The following CHST11 variants were observed in gnomAD, a reference collection of about 807,000 sequenced individuals.
CHST11 encodes carbohydrate sulfotransferase 11.
In CHST11, 9 loss-of-function variants were observed where a neutral mutation model predicts 30.4. The observed-to-expected ratio is 0.30, with a 90% CI of 0.18 to 0.52. The LOEUF (loss-of-function observed/expected upper bound fraction) is 0.52. CHST11 is among the 20% of genes least tolerant of loss of function. CHST11 has a pLI of 0.97. For synonymous variants in CHST11, 152 were observed against 187.8 expected, an observed-to-expected ratio of 0.81 and a Z score of 1.56; for missense variants, 348 against 460.6, an observed-to-expected ratio of 0.76 and a Z score of 2.24.
At chr12:104,706,185 A>T (rs2040032728) in intron 2 of CHST11, among the ~76,000 whole-genome samples, 1 of 151,936 alleles carries the variant, frequency 6.6e-6, no homozygotes, top group Non-Finnish European at 1.5e-5. Flanking sequence ...GGAGCTCGAG[A>T]CCAGCCTGGC....
At chr12:104,579,054 A>C (rs1592773967) in intron 1 of CHST11, among the ~76,000 whole-genome samples, 1 of 152,200 alleles carries the variant, frequency 6.6e-6, no homozygotes, top group Admixed American at 6.5e-5. Flanking sequence ...GTGCCCAGGT[A>C]CTTATCAAAG....
intron 2 of CHST11, among the ~76,000 whole-genome samples, chr12:104,623,715 T>C (rs1447165298): frequency 6.6e-6 from 1 of 150,524 alleles, no homozygotes; most frequent in African/African-American, 2.4e-5. Flanking sequence ...TGAGACTCCA[T>C]CTCAAAAAAA....
At chr12:104,551,271 CCCA>C (rs1279224347) in intron 1 of CHST11, among the ~76,000 whole-genome samples, 1 of 152,148 alleles carries the variant, frequency 6.6e-6, no homozygotes, top group African/African-American at 2.4e-5. Context: ...CACATTAAGA[CCCA>C]GAAGGAGGTG....
At position 104,759,094 on chromosome 12, in the gene CHST11, G is replaced by T. The variant is rs2040503317; in HGVS notation, c.*1291G>T. The T allele has an allele frequency of 6.6e-6, 1 of 152,132 alleles. No homozygotes were observed. Among genetic ancestry groups the T allele is most frequent in the African/African-American group, 2.4e-5 (1 of 41,416 alleles). The allele number at this position is 152,132 out of a possible 1,614,324, so 9.4% of individuals were successfully genotyped here. On this transcript the variant is annotated 3_prime_UTR_variant, in exon 3 of 3. Coordinates refer to ENST00000303694, the MANE Select transcript of CHST11 (RefSeq NM_018413.6). ...TGCTTGCCACGTACAAGTGTGAAAT[G>T]CCAAGGTGAGACTCGTACACTTGGG...
intron 1 of CHST11, chr12:104,514,424 C>G (rs547823221): frequency 3.8e-4 from 350 of 914,460 alleles, no homozygotes; most frequent in Non-Finnish European, 5.3e-4. Context: ...CCTTCCTCAT[C>G]CTCTTCACCA....
intron 1 of CHST11, among the ~76,000 whole-genome samples, chr12:104,565,147 G>A (rs2038549599): frequency 6.6e-6 from 1 of 151,994 alleles, no homozygotes; most frequent in Admixed American, 6.6e-5. Context: ...GGACTCAAGG[G>A]CTCCCTGGTG....
intron 1 of CHST11, among the ~76,000 whole-genome samples, chr12:104,528,874 G>A (rs573702983): frequency 6.6e-6 from 1 of 152,178 alleles, no homozygotes; most frequent in Admixed American, 6.5e-5. Flanking sequence ...TTTCTGAGTT[G>A]TGCCATACCA....
rs73185488 is a variant in CHST11 at position 104,562,104 on chromosome 12, C to T, written c.119-39802C>T. Among the ~76,000 whole-genome samples, 1,440 of 152,166 alleles carry T rather than the reference C, an allele frequency of 9.5e-3. 9 individuals are homozygous for T. Among genetic ancestry groups the T allele is most frequent in the Non-Finnish European group, 0.016 (1,068 of 68,014 alleles). ...CACCTTCCTGGCTGGGCCTCGTTTCCAGAAATGCCACTGACATGGAGGGGA... is the reference window on the plus strand; with the variant it reads ...CACCTTCCTGGCTGGGCCTCGTTTCTAGAAATGCCACTGACATGGAGGGGA... On this transcript the variant is annotated intron_variant, in intron 1 of 2. Coordinates refer to ENST00000303694, the MANE Select transcript of CHST11 (RefSeq NM_018413.6).
chr12:104,756,094 C>T (rs1156313031), intron 2 of CHST11, among the ~76,000 whole-genome samples: 1 of 152,120 alleles, frequency 6.6e-6, no homozygotes, highest in Non-Finnish European at 1.5e-5. Flanking sequence ...AGCCCTGTGC[C>T]CCCAGTTTCT....
At chr12:104,482,979 G>T (rs889140295) in intron 1 of CHST11, among the ~76,000 whole-genome samples, 3 of 152,160 alleles carry the variant, frequency 2.0e-5, no homozygotes, top group African/African-American at 7.2e-5. Context: ...AAACAGTGCT[G>T]ATTCGGGTCA....
At chr12:104,675,140 A>G (rs703672) in intron 2 of CHST11, among the ~76,000 whole-genome samples, 31,713 of 152,166 alleles carry the variant, frequency 0.21, 4,922 homozygotes, top group African/African-American at 0.44. Context: ...GCAGTTACAT[A>G]TATTAAAATA....
chr12:104,684,860 C>T (rs2039832146), intron 2 of CHST11, among the ~76,000 whole-genome samples: 1 of 152,194 alleles, frequency 6.6e-6, no homozygotes, highest in South Asian at 2.1e-4. Context: ...CCCCAAAACA[C>T]CTTTGTTCAG....
At chr12:104,551,424 A>T (rs2038403988) in intron 1 of CHST11, among the ~76,000 whole-genome samples, 1 of 152,022 alleles carries the variant, frequency 6.6e-6, no homozygotes, top group Admixed American at 6.6e-5. Context: ...TTTTGTAAGC[A>T]TGTGTTGGCT....
intron 1 of CHST11, among the ~76,000 whole-genome samples, chr12:104,467,744 A>C (rs187787209): frequency 6.6e-6 from 1 of 152,180 alleles, no homozygotes; most frequent in African/African-American, 2.4e-5. Flanking sequence ...TCTGTTAGAA[A>C]CTGTTAACTT....
intron 1 of CHST11, among the ~76,000 whole-genome samples, chr12:104,485,333 A>G (rs1226083467): frequency 1.3e-5 from 2 of 152,226 alleles, no homozygotes; most frequent in Admixed American, 1.3e-4. Context: ...TGATTCCAGC[A>G]GAGAATATAC....
Position 104,458,462 on chromosome 12 carries a change from C to G in CHST11, c.118+933C>G, listed in dbSNP as rs985453446. ...TCTGGACTGGGGGAGGGACGAGGCT[C>G]GTCGCTTCCTAGGGGTGCGAGGGAA... On this transcript the variant is annotated intron_variant, in intron 1 of 2. Transcript: ENST00000303694. The surrounding 1 kb of genome is among the most constrained non-coding windows in gnomAD (Gnocchi z 5.7). Among the ~76,000 whole-genome samples, 1 of 152,144 alleles carries G rather than the reference C, an allele frequency of 6.6e-6. No homozygotes were observed. Among genetic ancestry groups the G allele is most frequent in the East Asian group, 1.9e-4 (1 of 5,152 alleles).
intron 2 of CHST11, among the ~76,000 whole-genome samples, chr12:104,693,033 G>A (rs2039912160): frequency 1.3e-5 from 2 of 152,102 alleles, no homozygotes; most frequent in Admixed American, 1.3e-4. Flanking sequence ...GGTTTCTCCT[G>A]AGGCTTCTCT....
At chr12:104,587,360 C>T (rs1266414749) in intron 1 of CHST11, among the ~76,000 whole-genome samples, 1 of 152,130 alleles carries the variant, frequency 6.6e-6, no homozygotes, top group Non-Finnish European at 1.5e-5. Flanking sequence ...TTTTTGAATA[C>T]TTCATTTGCC....
intron 1 of CHST11, among the ~76,000 whole-genome samples, chr12:104,523,897 G>C (rs1258702029): frequency 6.6e-6 from 1 of 152,110 alleles, no homozygotes; most frequent in Admixed American, 6.5e-5. Context: ...TTTCACATGG[G>C]TTTCACCTCA....
Sources: gnomAD v4.1 joint callset for allele counts (sites outside exome capture counted in the v4.1 genomes callset) on GRCh38, gnomAD v4.1.1 for gene constraint, Gnocchi (gnomAD v3.1) non-coding constraint, MANE v1.5 for transcripts, NCBI Gene and HGNC (gene_info 2026-07-23, HGNC 2026-07-21) for gene names.